DYRK1A: variants seen among roughly 807,000 people sequenced by gnomAD.
The protein encoded by DYRK1A is dual specificity tyrosine phosphorylation regulated kinase 1A.
A neutral mutation model predicts 79.7 loss-of-function variants in DYRK1A; 9 were observed. That is an observed-to-expected ratio of 0.11 (90% confidence interval 0.07 to 0.20). DYRK1A has a LOEUF of 0.20. Among genes scored for constraint, DYRK1A ranks in the 10% least tolerant of loss-of-function variants. The pLI is 1.00. For synonymous variants in DYRK1A, 349 were observed against 329.7 expected (o/e 1.06, Z -0.63); for missense variants, 622 against 956.0 (o/e 0.65, Z 4.61).
chr21:37,393,880 C>T (rs1444294752), intron 1 of DYRK1A, among the ~76,000 whole-genome samples: 1 of 152,228 alleles, frequency 6.6e-6, no homozygotes, highest in Non-Finnish European at 1.5e-5. Context: ...GGCTTTCTCA[C>T]AGCTGTGACT....
chr21:37,441,741 A>T (rs1440786777), intron 2 of DYRK1A, among the ~76,000 whole-genome samples: 1 of 152,090 alleles, frequency 6.6e-6, no homozygotes, highest in African/African-American at 2.4e-5. Flanking sequence ...CTTACACTAC[A>T]TTACTATTAT....
chr21:37,371,517 A>C (rs1383405373), intron 1 of DYRK1A, among the ~76,000 whole-genome samples: 1 of 152,204 alleles, frequency 6.6e-6, no homozygotes, highest in Non-Finnish European at 1.5e-5. Context: ...TCTTTTGGGC[A>C]TATATGTTTT....
chr21:37,500,232 C>T (rs1219404485), intron 9 of DYRK1A, among the ~76,000 whole-genome samples: 8 of 151,908 alleles, frequency 5.3e-5, no homozygotes, highest in Admixed American at 3.9e-4. Flanking sequence ...TTTTTCTGCA[C>T]GTATAGAGAT....
chr21:37,440,537 C>T (rs1408389509), intron 2 of DYRK1A, among the ~76,000 whole-genome samples: 12 of 152,134 alleles, frequency 7.9e-5, no homozygotes, highest in Non-Finnish European at 1.5e-5. Flanking sequence ...ATAATATTCT[C>T]CGTAACTATT....
chr21:37,414,736 T>C (rs2050305204), intron 1 of DYRK1A, among the ~76,000 whole-genome samples: 1 of 152,182 alleles, frequency 6.6e-6, no homozygotes, highest in Admixed American at 6.5e-5. Flanking sequence ...TTTCTAGTAG[T>C]GGGAGTTAGG....
chr21:37,476,271 A>G (rs1380826149), intron 3 of DYRK1A, among the ~76,000 whole-genome samples: 1 of 152,202 alleles, frequency 6.6e-6, no homozygotes, highest in Non-Finnish European at 1.5e-5. Context: ...CAGGAATGGT[A>G]TTTATCTCCC....
At chr21:37,388,247 T>C (rs2049800798) in intron 1 of DYRK1A, among the ~76,000 whole-genome samples, 1 of 151,850 alleles carries the variant, frequency 6.6e-6, no homozygotes, top group African/African-American at 2.4e-5. Flanking sequence ...CTTGCCTGAC[T>C]AATTTTTCTG....
intron 1 of DYRK1A, among the ~76,000 whole-genome samples, chr21:37,414,835 A>G (rs778110532): frequency 6.6e-6 from 1 of 152,228 alleles, no homozygotes; most frequent in Non-Finnish European, 1.5e-5. Flanking sequence ...CTTGAAGGTC[A>G]TACAAACCTG....
chr21:37,441,183 C>G (rs567591074), intron 2 of DYRK1A, among the ~76,000 whole-genome samples: 5 of 152,176 alleles, frequency 3.3e-5, no homozygotes, highest in East Asian at 3.9e-4. Context: ...CTGCAGCATA[C>G]TTTCTTTGAT....
intron 7 of DYRK1A, among the ~76,000 whole-genome samples, chr21:37,492,195 G>A (rs2053120355): frequency 6.6e-6 from 1 of 152,196 alleles, no homozygotes; most frequent in Admixed American, 6.5e-5. Context: ...CTTAAGGTTG[G>A]TTGACCTACC....
At chr21:37,496,996 C>G (rs2053289032) in intron 9 of DYRK1A, among the ~76,000 whole-genome samples, 1 of 151,854 alleles carries the variant, frequency 6.6e-6, no homozygotes. Flanking sequence ...TACTTTGGTC[C>G]TAGTATTGAA....
chr21:37,391,211 C>T (rs570453328), intron 1 of DYRK1A, among the ~76,000 whole-genome samples: 7 of 152,246 alleles, frequency 4.6e-5, no homozygotes, highest in African/African-American at 1.7e-4. Context: ...AGTGTGTGGG[C>T]GCTCCTCGGC....
At position 37,513,658 on chromosome 21, in the gene DYRK1A, T is replaced by C. The variant is rs753587187; in HGVS notation, c.*1127T>C. ...CTGCTTTTTACTTTTTCTTTTGCTT[T>C]TTCTCGGCACGTGGTATCTCCACCA... On this transcript the variant is annotated 3_prime_UTR_variant, in exon 12 of 12. Coordinates refer to ENST00000647188, the MANE Select transcript of DYRK1A (RefSeq NM_001347721.2). 1 of 152,792 alleles carries C rather than the reference T, an allele frequency of 6.5e-6. No homozygotes were observed. Among genetic ancestry groups the C allele is most frequent in the African/African-American group, 2.4e-5 (1 of 41,582 alleles). The allele number at this position is 152,792 out of a possible 1,614,324, so 9.5% of individuals were successfully genotyped here.
chr21:37,480,565 C>T, intron 4 of DYRK1A, 73 bp from the exon 5 acceptor site: 3 of 1,206,058 alleles, frequency 2.5e-6, no homozygotes, highest in Non-Finnish European at 3.5e-6. Flanking sequence ...AGGTGTGTGT[C>T]AATATACTCT....
At chr21:37,393,331 GT>G (rs1437941686) in intron 1 of DYRK1A, among the ~76,000 whole-genome samples, 1 of 152,182 alleles carries the variant, frequency 6.6e-6, no homozygotes, top group African/African-American at 2.4e-5. Context: ...TCCACTCTCT[GT>G]TTAGTTGGGA....
rs1354655733 is a variant in DYRK1A, at chr21:37,516,091, A to T, written c.*3560A>T. On this transcript the variant is annotated 3_prime_UTR_variant, in exon 12 of 12. Coordinates refer to ENST00000647188, the MANE Select transcript of DYRK1A (RefSeq NM_001347721.2). ...CTTTATTTTGATAGTCGCAGAATGC[A>T]GGTTCAGATGCGATCCGGTGCATTC... The T allele has an allele frequency of 1.3e-5, 2 of 152,216 alleles. No homozygotes were observed. Among genetic ancestry groups the T allele is most frequent in the Non-Finnish European group, 2.9e-5 (2 of 68,036 alleles). 9.4% of individuals were successfully genotyped at this position (152,216 alleles called of 1,614,324 possible).
At chr21:37,371,872 TTAAA>T (rs1193516199) in intron 1 of DYRK1A, among the ~76,000 whole-genome samples, 4 of 152,346 alleles carry the variant, frequency 2.6e-5, no homozygotes, top group East Asian at 3.9e-4. Flanking sequence ...TCCCTGTTCA[TTAAA>T]TAACCCCCTA....
chr21:37,413,694 G>C (rs1182325989), intron 1 of DYRK1A, among the ~76,000 whole-genome samples: 2 of 152,164 alleles, frequency 1.3e-5, no homozygotes, highest in Admixed American at 6.6e-5. Flanking sequence ...TCTCAGCTTT[G>C]ATTCCCAGAG....
At chr21:37,384,925 A>G (rs376669642) in intron 1 of DYRK1A, among the ~76,000 whole-genome samples, 43 of 152,236 alleles carry the variant, frequency 2.8e-4, no homozygotes, top group African/African-American at 8.9e-4. Flanking sequence ...CAGAAGAGAA[A>G]ACTCAGTCAA....
Sources: gnomAD v4.1 joint callset for allele counts (sites outside exome capture counted in the v4.1 genomes callset) on GRCh38, gnomAD v4.1.1 for gene constraint, MANE v1.5 for transcripts, NCBI Gene and HGNC (gene_info 2026-07-23, HGNC 2026-07-21) for gene names.